Variants in EPHB1 observed in about 807,000 individuals in gnomAD.
EPHB1 encodes the protein EPH receptor B1.
A neutral mutation model predicts 94.4 loss-of-function variants in EPHB1; 30 were observed. The ratio of observed to expected loss-of-function variants is 0.32; its 90% CI spans 0.24 to 0.43. EPHB1 has a LOEUF of 0.43. Among genes scored for constraint, EPHB1 ranks in the 20% least tolerant of loss-of-function variants. The probability of loss-of-function intolerance (pLI) is 1.00; values close to 1 mark genes in which losing one functional copy is unlikely to be tolerated. For missense variants in EPHB1, 1,055 were observed against 1,308.3 expected (o/e 0.81, Z 2.99); for synonymous variants, 522 against 489.1 (o/e 1.07, Z -0.89).
At chr3:135,112,036 G>T (rs1939468002) in intron 4 of EPHB1, among the ~76,000 whole-genome samples, 1 of 152,220 alleles carries the variant, frequency 6.6e-6, no homozygotes, top group African/African-American at 2.4e-5. Context: ...ATCGTTAGCT[G>T]GGGCTGGGAG....
At chr3:135,078,027 C>G (rs1417542811) in intron 3 of EPHB1, among the ~76,000 whole-genome samples, 1 of 152,174 alleles carries the variant, frequency 6.6e-6, no homozygotes, top group African/African-American at 2.4e-5. Flanking sequence ...TATTACCACT[C>G]CATTTTGCAG....
chr3:134,978,180 A>G (rs907201828), intron 3 of EPHB1: 8 of 331,402 alleles, frequency 2.4e-5, no homozygotes, highest in African/African-American at 1.8e-4. Context: ...AGTCCTATCC[A>G]TTCCACTGTG....
intron 12 of EPHB1, among the ~76,000 whole-genome samples, chr3:135,208,067 C>T (rs189623543): frequency 6.6e-6 from 1 of 152,266 alleles, no homozygotes; most frequent in African/African-American, 2.4e-5. Flanking sequence ...TCTGCCCCAA[C>T]TAAATGTGGC....
Position 135,103,918 on chromosome 3 carries a change from T to A in EPHB1, c.806-2530T>A, listed in dbSNP as rs550587133. Among the ~76,000 whole-genome samples, 5 of 152,338 alleles carry A rather than the reference T, an allele frequency of 3.3e-5. No homozygotes were observed. In the East Asian group the frequency reaches 5.8e-4, roughly 18 times the overall value. On this transcript the variant is annotated intron_variant, in intron 3 of 15. Transcript: ENST00000398015. ...ATCAGAAACCTCAGAGGAGGCACTTTCCACATCCCCCTGCCACTTGTGGAT... is the reference window on the plus strand; with the variant it reads ...ATCAGAAACCTCAGAGGAGGCACTTACCACATCCCCCTGCCACTTGTGGAT...
chr3:134,923,885 G>A (rs2038738245), intron 1 of EPHB1, among the ~76,000 whole-genome samples: 1 of 152,110 alleles, frequency 6.6e-6, no homozygotes, highest in Non-Finnish European at 1.5e-5. Flanking sequence ...GGAAGGACAA[G>A]GGGAGAAAAA....
At chr3:135,161,335 G>T (rs1941500551) in intron 6 of EPHB1, among the ~76,000 whole-genome samples, 1 of 152,164 alleles carries the variant, frequency 6.6e-6, no homozygotes, top group African/African-American at 2.4e-5. Context: ...CACAGGGGCT[G>T]CTCTGCAGGG....
chr3:134,873,672 C>G (rs1052964822), intron 1 of EPHB1, among the ~76,000 whole-genome samples: 57 of 152,194 alleles, frequency 3.7e-4, no homozygotes, highest in African/African-American at 1.3e-3. Context: ...GCAGGGTTTG[C>G]ACGGTAGTGC....
At chr3:134,881,897 A>G (rs775765010) in intron 1 of EPHB1, among the ~76,000 whole-genome samples, 45 of 152,224 alleles carry the variant, frequency 3.0e-4, no homozygotes, top group Admixed American at 7.8e-4. Flanking sequence ...TCCATCAAAG[A>G]TGACTGAGCA....
chr3:134,821,820 T>G (rs2036386669), intron 1 of EPHB1, among the ~76,000 whole-genome samples: 1 of 152,190 alleles, frequency 6.6e-6, no homozygotes, highest in Non-Finnish European at 1.5e-5. Flanking sequence ...GCTGTTGTGA[T>G]GCCTTTGGGA....
intron 4 of EPHB1, 59 bp from the exon 5 acceptor site, chr3:135,132,655 A>T: frequency 4.8e-6 from 7 of 1,445,772 alleles, no homozygotes; most frequent in Non-Finnish European, 5.6e-6. Flanking sequence ...CAGACAAGAG[A>T]GCTGCCGGAC....
intron 3 of EPHB1, among the ~76,000 whole-genome samples, chr3:135,080,716 C>A (rs1023586784): frequency 2.0e-5 from 3 of 152,144 alleles, no homozygotes; most frequent in Non-Finnish European, 4.4e-5. Context: ...GTACTTTGAT[C>A]AGGCTTGGGT....
At chr3:135,005,883 A>T (rs978589144) in intron 3 of EPHB1, among the ~76,000 whole-genome samples, 1 of 152,206 alleles carries the variant, frequency 6.6e-6, no homozygotes, top group Non-Finnish European at 1.5e-5. Flanking sequence ...AGATGAACCC[A>T]GTACCTCAGA....
intron 7 of EPHB1, among the ~76,000 whole-genome samples, chr3:135,162,651 G>A (rs1294533135): frequency 1.3e-5 from 2 of 152,304 alleles, no homozygotes; most frequent in Non-Finnish European, 2.9e-5. Flanking sequence ...GAAATTTGAA[G>A]CAACTTCACA....
At chr3:135,148,059 T>C (rs1941071487) in intron 5 of EPHB1, among the ~76,000 whole-genome samples, 1 of 152,268 alleles carries the variant, frequency 6.6e-6, no homozygotes, top group Non-Finnish European at 1.5e-5. Context: ...AAACTGATTA[T>C]GGTTAAAACT....
At chr3:135,249,584 C>T (rs1932979857) in intron 15 of EPHB1, 93 bp downstream of exon 15, 1 of 1,442,698 alleles carries the variant, frequency 6.9e-7, no homozygotes, top group Admixed American at 1.9e-5. Context: ...TTTCTGGCCT[C>T]ATCCCTGGAG....
At chr3:135,258,216 C>T (rs532485167) in intron 15 of EPHB1, among the ~76,000 whole-genome samples, 91 of 152,358 alleles carry the variant, frequency 6.0e-4, no homozygotes, top group African/African-American at 2.1e-3. Context: ...CCTATTCGGC[C>T]ATCTTGGCTC....
chr3:135,049,034 C>G (rs948587011), intron 3 of EPHB1, among the ~76,000 whole-genome samples: 1 of 152,174 alleles, frequency 6.6e-6, no homozygotes, highest in Admixed American at 6.5e-5. Context: ...CCATCACAGT[C>G]CACTGGCTTT....
At chr3:134,799,140 C>T (rs1466181353) in intron 1 of EPHB1, among the ~76,000 whole-genome samples, 4 of 152,184 alleles carry the variant, frequency 2.6e-5, no homozygotes, top group East Asian at 1.9e-4. Context: ...CGTGCCCCAA[C>T]GTGAAATGCT....
chr3:134,967,261 C>T (rs1337855777), intron 3 of EPHB1, among the ~76,000 whole-genome samples: 1 of 152,162 alleles, frequency 6.6e-6, no homozygotes, highest in East Asian at 1.9e-4. Flanking sequence ...GTGGAAGCCT[C>T]ATCACAACAC....
Sources: allele counts gnomAD v4.1 joint callset (sites outside exome capture counted in the v4.1 genomes callset), GRCh38; gene constraint gnomAD v4.1.1; transcripts MANE v1.5; gene names NCBI Gene and HGNC (gene_info 2026-07-23, HGNC 2026-07-21).